The following ZCWPW2 variants were observed in gnomAD, a reference collection of about 807,000 sequenced individuals.
ZCWPW2 encodes the protein zinc finger CW-type and PWWP domain containing 2.
In ZCWPW2, 45 loss-of-function variants were observed where a neutral mutation model predicts 46.6. The observed-to-expected ratio is 0.96, with a 90% CI of 0.76 to 1.24. The LOEUF (loss-of-function observed/expected upper bound fraction) is 1.24, where lower values mean the gene tolerates loss of function less well. Among genes scored for constraint, ZCWPW2 ranks in the 50% most tolerant of loss-of-function variants. ZCWPW2 has a pLI of 0.00. For missense variants in ZCWPW2, 429 were observed against 403.9 expected (o/e 1.06, Z -0.53); for synonymous variants, 152 against 137.1 (o/e 1.11, Z -0.76).
At position 28,524,447 on chromosome 3, in the gene ZCWPW2, G is replaced by T; in HGVS notation, c.910-80G>T. 2.9e-5 allele frequency: 42 copies of T among 1,452,872 alleles called. No homozygotes were observed. In the East Asian group the frequency reaches 7.5e-4, roughly 26 times the overall value. The allele number at this position is 1,452,872 out of a possible 1,614,324, so 90.0% of individuals were successfully genotyped here. A position where few individuals can be genotyped will look rare whatever the true frequency, so the allele number is the denominator to read the frequency against. On this transcript the variant is annotated intron_variant, in intron 9 of 9. Transcript: ENST00000383768. Reference sequence around the variant, plus strand: ...AAAGTTTGTGTAGCTAATGTGGCTTGCAGAATTACTACTTTATGTTTTGTT... The same window carrying T: ...AAAGTTTGTGTAGCTAATGTGGCTTTCAGAATTACTACTTTATGTTTTGTT...
At chr3:28,379,786 C>T (rs1354545829) in intron 1 of ZCWPW2, among the ~76,000 whole-genome samples, 1 of 151,862 alleles carries the variant, frequency 6.6e-6, no homozygotes, top group African/African-American at 2.4e-5. Flanking sequence ...TTTTCCATAG[C>T]AAAACTAGAG....
chr3:28,437,488 T>G (rs1004175190), intron 4 of ZCWPW2, among the ~76,000 whole-genome samples: 1 of 152,224 alleles, frequency 6.6e-6, no homozygotes, highest in Non-Finnish European at 1.5e-5. Flanking sequence ...AAATTTTAAC[T>G]ATTTTATTTT....
At chr3:28,427,526 C>A (rs1575120916) in intron 3 of ZCWPW2, among the ~76,000 whole-genome samples, 2 of 152,132 alleles carry the variant, frequency 1.3e-5, no homozygotes, top group Non-Finnish European at 2.9e-5. Context: ...GTGACAATAT[C>A]TTTCACAATT....
At chr3:28,462,086 G>A (rs1698660170) in intron 4 of ZCWPW2, among the ~76,000 whole-genome samples, 1 of 152,132 alleles carries the variant, frequency 6.6e-6, no homozygotes, top group Non-Finnish European at 1.5e-5. Flanking sequence ...GTCAAAAGCA[G>A]GGTTTCCTTG....
chr3:28,378,985 T>C (rs1705586545), intron 1 of ZCWPW2, among the ~76,000 whole-genome samples: 1 of 152,130 alleles, frequency 6.6e-6, no homozygotes, highest in African/African-American at 2.4e-5. Flanking sequence ...AGACATCACT[T>C]CTCCCAGGTA....
chr3:28,520,968 A>G (rs943710008), intron 8 of ZCWPW2, 24 bp from the exon 9 acceptor site: 5 of 1,610,034 alleles, frequency 3.1e-6, no homozygotes, highest in Non-Finnish European at 3.4e-6. Context: ...TAGCATTTTT[A>G]CTGTATTAAT....
At position 28,525,753 on chromosome 3, in the gene ZCWPW2, G is replaced by A. The variant is rs371642007; in HGVS notation, c.*1065G>A. ...TATTTTTAGATTCTATGATAATTAC[G>A]TAGAGTGGAGAGTGGAGATAGACTC... On this transcript the variant is annotated 3_prime_UTR_variant, in exon 10 of 10. Coordinates refer to ENST00000383768, the MANE Select transcript of ZCWPW2 (RefSeq NM_001040432.4). Among the ~76,000 whole-genome samples the A allele has an allele frequency of 1.3e-4, 20 of 152,308 alleles. No individual in the cohort carries two copies. The highest frequency in any genetic ancestry group is 4.6e-4 in the African/African-American group (19 of 41,572).
At chr3:28,503,621 A>G (rs1019999977) in intron 6 of ZCWPW2, among the ~76,000 whole-genome samples, 4 of 151,986 alleles carry the variant, frequency 2.6e-5, no homozygotes, top group African/African-American at 4.8e-5. Context: ...TGATTTTTCT[A>G]TGCCTAATAG....
intron 1 of ZCWPW2, among the ~76,000 whole-genome samples, chr3:28,390,035 A>G (rs994212678): frequency 6.6e-6 from 1 of 152,200 alleles, no homozygotes; most frequent in African/African-American, 2.4e-5. Context: ...ATACCTAGGC[A>G]CCATGGCCCA....
intron 1 of ZCWPW2, among the ~76,000 whole-genome samples, chr3:28,351,836 A>C (rs1224770339): frequency 6.6e-6 from 1 of 152,052 alleles, no homozygotes; most frequent in African/African-American, 2.4e-5. Context: ...CACTAAATTG[A>C]AATGGCAGTG....
At chr3:28,443,910 T>C (rs1014909583) in intron 4 of ZCWPW2, among the ~76,000 whole-genome samples, 4 of 151,886 alleles carry the variant, frequency 2.6e-5, no homozygotes, top group African/African-American at 9.7e-5. Flanking sequence ...ACCATCCCAA[T>C]CTCCCTAAGC....
chr3:28,522,286 A>G (rs1181183680), intron 9 of ZCWPW2, among the ~76,000 whole-genome samples: 1 of 152,208 alleles, frequency 6.6e-6, no homozygotes, highest in East Asian at 1.9e-4. Context: ...TAAACCAGGA[A>G]AAGTGCTTTG....
At chr3:28,350,042 G>T (rs549043671) in intron 1 of ZCWPW2, among the ~76,000 whole-genome samples, 1 of 152,146 alleles carries the variant, frequency 6.6e-6, no homozygotes. Context: ...TAATGTTATC[G>T]TTGAGAAAGG....
At chr3:28,482,940 G>A (rs540109958) in intron 5 of ZCWPW2, among the ~76,000 whole-genome samples, 1 of 152,204 alleles carries the variant, frequency 6.6e-6, no homozygotes, top group East Asian at 1.9e-4. Context: ...CTCCCAATAT[G>A]TGGCTTATCT....
rs752595804 is a variant in ZCWPW2 at position 28,492,110 on chromosome 3, G to A, written c.611-17G>A. On this transcript the variant is annotated splice_polypyrimidine_tract_variant and intron_variant, in intron 5 of 9. Transcript: ENST00000383768. The stretch of plus-strand genomic sequence containing the variant: ...ATAGGCACTTTTTTGAAGCAGCCAT[G>A]TTTCATTGTCTTACAGATAAATCCG... 6.2e-7 allele frequency: 1 copy of A among 1,608,096 alleles called. No individual in the cohort carries two copies. The highest frequency in any genetic ancestry group is 8.5e-7 in the Non-Finnish European group (1 of 1,177,674).
chr3:28,447,962 T>C, intron 4 of ZCWPW2: 1 of 646,332 alleles, frequency 1.5e-6, no homozygotes, highest in Non-Finnish European at 2.8e-6. Flanking sequence ...CCCTATGGTG[T>C]TTCCATGTGT....
At chr3:28,397,395 C>T (rs532807908) in intron 2 of ZCWPW2, among the ~76,000 whole-genome samples, 5 of 152,200 alleles carry the variant, frequency 3.3e-5, no homozygotes, top group African/African-American at 7.2e-5. Context: ...ATGGGCTGGG[C>T]GCGGTGGCTC....
At chr3:28,414,660 A>G (rs1421218932) in intron 3 of ZCWPW2, among the ~76,000 whole-genome samples, 1 of 116,178 alleles carries the variant, frequency 8.6e-6, no homozygotes, top group African/African-American at 3.4e-5. Flanking sequence ...TCCTGTGTCC[A>G]TGTGTTCTCA....
chr3:28,516,172 G>A (rs1023858940), intron 8 of ZCWPW2, among the ~76,000 whole-genome samples: 2 of 149,984 alleles, frequency 1.3e-5, no homozygotes, highest in African/African-American at 4.9e-5. Flanking sequence ...CCTGGGAGGC[G>A]GAGGTTGCAG....
Sources: allele counts gnomAD v4.1 joint callset (sites outside exome capture counted in the v4.1 genomes callset), GRCh38; gene constraint gnomAD v4.1.1; transcripts MANE v1.5; gene names NCBI Gene and HGNC (gene_info 2026-07-23, HGNC 2026-07-21).